Variants in STK39 observed in about 807,000 individuals in gnomAD.
STK39 encodes serine/threonine kinase 39.
A neutral mutation model predicts 77.8 loss-of-function variants in STK39; 20 were observed. The ratio of observed to expected loss-of-function variants is 0.26; its 90% CI spans 0.18 to 0.37. The LOEUF is 0.37. Ranked by LOEUF, STK39 falls within the 10% of genes least tolerant of loss-of-function variation. The pLI, the probability that STK39 is intolerant of heterozygous loss-of-function variation, is 1.00. For missense variants in STK39, 479 were observed against 656.5 expected (o/e 0.73, Z 2.95); for synonymous variants, 246 against 234.1 (o/e 1.05, Z -0.47).
At chr2:168,152,515 T>C (rs1688316782) in intron 5 of STK39, among the ~76,000 whole-genome samples, 1 of 152,140 alleles carries the variant, frequency 6.6e-6, no homozygotes, top group Non-Finnish European at 1.5e-5. Context: ...TCAAAAGGCA[T>C]AGAGTTAAGA....
intron 17 of STK39, among the ~76,000 whole-genome samples, chr2:167,955,863 C>G (rs1691751208): frequency 6.6e-6 from 1 of 152,204 alleles, no homozygotes; most frequent in Admixed American, 6.5e-5. Flanking sequence ...TGAAACACCC[C>G]TGCTAAGAAA....
chr2:168,164,055 C>T (rs558022056), intron 3 of STK39, among the ~76,000 whole-genome samples, 175 bp from the exon 4 acceptor site: 1 of 152,272 alleles, frequency 6.6e-6, no homozygotes, highest in Non-Finnish European at 1.5e-5. Context: ...AACACTAAAT[C>T]CAAGTTTGCA....
chr2:168,050,897 T>G (rs1208932239), intron 14 of STK39, among the ~76,000 whole-genome samples: 1 of 152,238 alleles, frequency 6.6e-6, no homozygotes, highest in Non-Finnish European at 1.5e-5. Context: ...AACAACTGTA[T>G]GAATTTTACC....
chr2:168,236,508 A>G (rs1213289501), intron 1 of STK39, among the ~76,000 whole-genome samples: 1 of 152,162 alleles, frequency 6.6e-6, no homozygotes, highest in Non-Finnish European at 1.5e-5. Flanking sequence ...TTGGTGTTTT[A>G]GACATGAAGT....
At chr2:168,017,983 T>G (rs905769944) in intron 14 of STK39, among the ~76,000 whole-genome samples, 1 of 152,030 alleles carries the variant, frequency 6.6e-6, no homozygotes, top group Non-Finnish European at 1.5e-5. Flanking sequence ...TACACAAAAC[T>G]GAAAAATATA....
intron 1 of STK39, among the ~76,000 whole-genome samples, chr2:168,219,951 T>C (rs955201337): frequency 6.6e-6 from 1 of 151,822 alleles, no homozygotes; most frequent in Non-Finnish European, 1.5e-5. Context: ...CATCTTACTA[T>C]AGAATGCACC....
At chr2:168,125,061 A>ATG in intron 10 of STK39, among the ~76,000 whole-genome samples, 1 of 152,172 alleles carries the variant, frequency 6.6e-6, no homozygotes, top group Admixed American at 6.5e-5. Context: ...ACCATGGCAC[A>ATG]TGTATACCTA....
Position 168,163,882 on chromosome 2 carries a change from T to C in STK39, c.431-2A>G. On this transcript the variant is annotated splice_acceptor_variant, in intron 3 of 17. Coordinates refer to ENST00000355999, the MANE Select transcript of STK39 (RefSeq NM_013233.3). LOFTEE classifies it high-confidence loss of function. Reference sequence around the variant, plus strand: ...ATTTTATGATATCCAACATTGAACCTAAGTAGACAAACAGAAGAATTAAAA... The same window carrying C: ...ATTTTATGATATCCAACATTGAACCCAAGTAGACAAACAGAAGAATTAAAA... 6.2e-7 allele frequency: 1 copy of C among 1,612,162 alleles called. No homozygotes were observed. Among genetic ancestry groups the C allele is most frequent in the Non-Finnish European group, 8.5e-7 (1 of 1,179,336 alleles).
chr2:168,219,462 A>C (rs1690109817), intron 1 of STK39, among the ~76,000 whole-genome samples: 1 of 152,140 alleles, frequency 6.6e-6, no homozygotes, highest in Non-Finnish European at 1.5e-5. Context: ...AGGGAGAAGG[A>C]GGCTTTTCTG....
chr2:167,980,652 T>C (rs752225835), intron 16 of STK39, among the ~76,000 whole-genome samples: 2 of 149,828 alleles, frequency 1.3e-5, no homozygotes, highest in Non-Finnish European at 3.0e-5. Context: ...CTCTCACACA[T>C]GTGGCCAGTC....
At chr2:168,136,109 C>T (rs1449286329) in intron 8 of STK39, among the ~76,000 whole-genome samples, 1 of 151,824 alleles carries the variant, frequency 6.6e-6, no homozygotes, top group Non-Finnish European at 1.5e-5. Flanking sequence ...TAGCTCATGC[C>T]TGTAATCCCA....
intron 10 of STK39, among the ~76,000 whole-genome samples, chr2:168,119,307 G>A (rs924838937): frequency 2.0e-5 from 3 of 152,194 alleles, no homozygotes; most frequent in South Asian, 2.1e-4. Context: ...TCTTCTACCC[G>A]TATTTACCAA....
chr2:168,095,623 C>CTTTTTTTTTT (rs567675524), intron 10 of STK39, among the ~76,000 whole-genome samples: 1 of 116,074 alleles, frequency 8.6e-6, no homozygotes, highest in African/African-American at 3.5e-5. Flanking sequence ...GTATCTCTTT[C>CTTTTTTTTTT]TTTTTTTTTT....
intron 10 of STK39, among the ~76,000 whole-genome samples, chr2:168,114,258 C>G (rs1687199765): frequency 6.6e-6 from 1 of 152,158 alleles, no homozygotes; most frequent in Non-Finnish European, 1.5e-5. Context: ...AACGAAAGAG[C>G]AGGATGAAAT....
At chr2:167,971,409 T>C (rs1396655474) in intron 16 of STK39, among the ~76,000 whole-genome samples, 1 of 152,208 alleles carries the variant, frequency 6.6e-6, no homozygotes, top group African/African-American at 2.4e-5. Context: ...TTTTAAAATT[T>C]TGTGGGGATT....
intron 1 of STK39, among the ~76,000 whole-genome samples, chr2:168,200,515 A>AT (rs992820220): frequency 2.6e-5 from 4 of 151,880 alleles, no homozygotes; most frequent in African/African-American, 4.8e-5. Flanking sequence ...AAATACAAAA[A>AT]AAAAATAAAA....
At chr2:168,175,913 A>T (rs992186578) in intron 2 of STK39, among the ~76,000 whole-genome samples, 1 of 152,242 alleles carries the variant, frequency 6.6e-6, no homozygotes, top group Non-Finnish European at 1.5e-5. Flanking sequence ...ATGACAGAAC[A>T]AAACTTAATG....
At chr2:168,012,732 G>A in intron 15 of STK39, 30 bp from the exon 16 acceptor site, 1 of 1,584,566 alleles carries the variant, frequency 6.3e-7, no homozygotes, top group Non-Finnish European at 8.6e-7. Flanking sequence ...ATATGTATTA[G>A]TAACCATAAC....
chr2:168,102,041 G>C (rs938834773), intron 10 of STK39, among the ~76,000 whole-genome samples: 1 of 151,874 alleles, frequency 6.6e-6, no homozygotes, highest in Non-Finnish European at 1.5e-5. Context: ...ATCCAATATG[G>C]GTCTTTCTTT....
Sources: gnomAD v4.1 joint callset for allele counts (sites outside exome capture counted in the v4.1 genomes callset) on GRCh38, gnomAD v4.1.1 for gene constraint, MANE v1.5 for transcripts, NCBI Gene and HGNC (gene_info 2026-07-23, HGNC 2026-07-21) for gene names.